PRKN: variants seen among roughly 807,000 people sequenced by gnomAD.
PRKN encodes the protein parkin RBR E3 ubiquitin protein ligase.
In PRKN, 56 loss-of-function variants were observed where a neutral mutation model predicts 59.5. That is an observed-to-expected ratio of 0.94 (90% confidence interval 0.76 to 1.18). The LOEUF is 1.18. Among genes scored for constraint, PRKN ranks in the 50% most tolerant of loss-of-function variants. PRKN has a pLI of 0.00. For missense variants in PRKN, 657 were observed against 596.4 expected (o/e 1.10, Z -1.06); for synonymous variants, 250 against 222.1 (o/e 1.13, Z -1.12).
At position 161,532,141 on chromosome 6, in the gene PRKN, A is replaced by ACTCTCT. The variant is rs773618878; in HGVS notation, c.1083+16707_1083+16712dup. Among the ~76,000 whole-genome samples the ACTCTCT allele has an allele frequency of 4.6e-3, 622 of 134,376 alleles. 5 individuals are homozygous for ACTCTCT. Among genetic ancestry groups the ACTCTCT allele is most frequent in the African/African-American group, 0.013 (474 of 35,436 alleles). 88.2% of individuals were successfully genotyped at this position (134,376 alleles called of 152,430 possible). ...TCTATCCATCCTATCTCTGTCTTGC[A>ACTCTCT]CTCTCTCTCTCTCTCTCTCTCTCTC... On this transcript the variant is annotated intron_variant, in intron 9 of 11. Transcript: ENST00000366898.
At chr6:162,523,175 C>G (rs1421225162) in intron 1 of PRKN, among the ~76,000 whole-genome samples, 1 of 152,060 alleles carries the variant, frequency 6.6e-6, no homozygotes, top group Non-Finnish European at 1.5e-5. Context: ...AGGAATGACT[C>G]TTGATGACGA....
intron 9 of PRKN, among the ~76,000 whole-genome samples, chr6:161,398,215 T>C (rs1303857474): frequency 6.6e-6 from 1 of 152,094 alleles, no homozygotes; most frequent in Non-Finnish European, 1.5e-5. Flanking sequence ...CTGAATCTTC[T>C]GGAGTCTAGG....
chr6:162,400,446 C>T (rs1271176945), intron 2 of PRKN, among the ~76,000 whole-genome samples: 2 of 62,912 alleles, frequency 3.2e-5, no homozygotes, highest in African/African-American at 1.4e-4. Flanking sequence ...CCCACAGCAA[C>T]ATGTAAATAT....
At chr6:162,076,120 C>T (rs1450230378) in intron 4 of PRKN, among the ~76,000 whole-genome samples, 1 of 151,844 alleles carries the variant, frequency 6.6e-6, no homozygotes, top group African/African-American at 2.4e-5. Flanking sequence ...AGGCATGTGC[C>T]CCCACACCCA....
At chr6:161,792,600 A>G (rs1355234695) in intron 6 of PRKN, among the ~76,000 whole-genome samples, 3 of 152,230 alleles carry the variant, frequency 2.0e-5, no homozygotes, top group Non-Finnish European at 2.9e-5. Flanking sequence ...AATAAAAACT[A>G]AATTTCCTCA....
At chr6:161,822,949 A>T (rs1792094432) in intron 6 of PRKN, among the ~76,000 whole-genome samples, 1 of 151,830 alleles carries the variant, frequency 6.6e-6, no homozygotes, top group African/African-American at 2.4e-5. Context: ...TTAATTATTT[A>T]TTTTTTGAGA....
At position 161,575,242 on chromosome 6, in the gene PRKN, A is replaced by AT. The variant is rs1781086554; in HGVS notation, c.872-5827dup. Among the ~76,000 whole-genome samples the AT allele has an allele frequency of 6.6e-6, 1 of 152,206 alleles. No homozygotes were observed. Among genetic ancestry groups the AT allele is most frequent in the Non-Finnish European group, 1.5e-5 (1 of 68,034 alleles). The stretch of plus-strand genomic sequence containing the variant: ...GGACAACTGCGAAACTGGGCTCTAT[A>AT]TTTCAATTAGTATCTGTAATCAACA... On this transcript the variant is annotated intron_variant, in intron 7 of 11. Transcript: ENST00000366898. The surrounding 1 kb of genome is among the most constrained non-coding windows in gnomAD (Gnocchi z 4.6).
intron 6 of PRKN, among the ~76,000 whole-genome samples, chr6:161,817,368 C>CCCAT (rs1485399873): frequency 6.6e-6 from 1 of 152,180 alleles, no homozygotes; most frequent in Non-Finnish European, 1.5e-5. Context: ...ACGTGGGTTT[C>CCCAT]CCATGCCCAG....
chr6:161,638,161 C>A lies in PRKN; in HGVS notation c.872-68745G>T, dbSNP rs570063704. Among the ~76,000 whole-genome samples, 11 of 151,470 alleles carry A rather than the reference C, an allele frequency of 7.3e-5. No homozygotes were observed. The East Asian group carries it at 1.2e-3, about 16-fold the overall frequency. ...TGGTTTTTTTTTTTCGAGACTGAAT[C>A]TCTCTCTTTTGCCCAGGCTGGAGTG... On this transcript the variant is annotated intron_variant, in intron 7 of 11. Transcript: ENST00000366898.
rs920535942 is a variant in PRKN, at chr6:161,480,340, A to T, written c.1083+68514T>A. On this transcript the variant is annotated intron_variant, in intron 9 of 11. Coordinates refer to ENST00000366898, the MANE Select transcript of PRKN (RefSeq NM_004562.3). This position sits in a 1 kb window ranked among gnomAD's most constrained non-coding sequence, Gnocchi z 4.1. ...CCTGTGAGTATGGGGCCCTGTGAGT[A>T]TGGGGCCCTGTGTGACTGTACAGGT... Among the ~76,000 whole-genome samples the T allele has an allele frequency of 4.0e-5, 6 of 151,512 alleles. No homozygotes were observed. The South Asian group carries it at 1.2e-3, about 32-fold the overall frequency.
At chr6:161,964,897 C>G (rs1010009389) in intron 6 of PRKN, among the ~76,000 whole-genome samples, 1 of 152,058 alleles carries the variant, frequency 6.6e-6, no homozygotes, top group Non-Finnish European at 1.5e-5. Flanking sequence ...AAAAATCAGA[C>G]TGACAAAGAA....
rs1404554029 is a variant in PRKN, at chr6:161,468,036, G to C, written c.1083+80818C>G. Among the ~76,000 whole-genome samples the C allele has an allele frequency of 4.6e-5, 7 of 152,078 alleles. No individual in the cohort carries two copies. The highest frequency in any genetic ancestry group is 4.6e-4 in the Admixed American group (7 of 15,274). The stretch of plus-strand genomic sequence containing the variant: ...CAACCAGGCTGGAGTGAAGTGGTGT[G>C]ATCTCAGCTCACTGCAACCTCTGCC... On this transcript the variant is annotated intron_variant, in intron 9 of 11. Coordinates refer to ENST00000366898, the MANE Select transcript of PRKN (RefSeq NM_004562.3). The surrounding 1 kb of genome is among the most constrained non-coding windows in gnomAD (Gnocchi z 5.9).
At chr6:161,809,243 C>T (rs770286531) in intron 6 of PRKN, among the ~76,000 whole-genome samples, 2 of 152,086 alleles carry the variant, frequency 1.3e-5, no homozygotes, top group Non-Finnish European at 2.9e-5. Context: ...CACACATCAA[C>T]AGTCCTCAAA....
chr6:161,791,486 C>T (rs2128208098), intron 6 of PRKN, among the ~76,000 whole-genome samples: 1 of 152,190 alleles, frequency 6.6e-6, no homozygotes, highest in East Asian at 1.9e-4. Context: ...CATTTGCCCT[C>T]CTTCACACAC....
At chr6:161,930,677 A>C (rs1562398042) in intron 6 of PRKN, among the ~76,000 whole-genome samples, 1 of 152,242 alleles carries the variant, frequency 6.6e-6, no homozygotes, top group African/African-American at 2.4e-5. Context: ...AAATAGGAAT[A>C]TGTTACTTTA....
chr6:161,825,023 T>C (rs1792183376), intron 6 of PRKN, among the ~76,000 whole-genome samples: 1 of 152,198 alleles, frequency 6.6e-6, no homozygotes, highest in Admixed American at 6.5e-5. Context: ...GCCTCAAAGT[T>C]GTCATATTTC....
chr6:161,894,173 C>G (rs1315365984), intron 6 of PRKN, among the ~76,000 whole-genome samples: 1 of 152,108 alleles, frequency 6.6e-6, no homozygotes, highest in Non-Finnish European at 1.5e-5. Flanking sequence ...CCTGCCAACC[C>G]CTTCGACCTA....
At chr6:161,591,060 C>T (rs1401038187) in intron 7 of PRKN, among the ~76,000 whole-genome samples, 3 of 152,082 alleles carry the variant, frequency 2.0e-5, no homozygotes, top group Non-Finnish European at 4.4e-5. Context: ...CAGATTACTC[C>T]GGTATTGAGA....
intron 1 of PRKN, among the ~76,000 whole-genome samples, chr6:162,572,175 T>G (rs1780360450): frequency 3.3e-5 from 5 of 152,190 alleles, no homozygotes; most frequent in Admixed American, 3.3e-4. Flanking sequence ...ACGTAGGTTC[T>G]GAAGGTGGCC....
Sources: gnomAD v4.1 joint callset for allele counts (sites outside exome capture counted in the v4.1 genomes callset) on GRCh38, gnomAD v4.1.1 for gene constraint, Gnocchi (gnomAD v3.1) non-coding constraint, MANE v1.5 for transcripts, NCBI Gene and HGNC (gene_info 2026-07-23, HGNC 2026-07-21) for gene names.